The following GMDS variants were observed in gnomAD, a reference collection of about 807,000 sequenced individuals.
GMDS encodes the protein GDP-mannose 4,6 dehydratase.
Under a neutral mutation model 49.9 loss-of-function variants are expected in GMDS, and 20 were observed. That is an observed-to-expected ratio of 0.40 (90% CI 0.28 to 0.58). The LOEUF (loss-of-function observed/expected upper bound fraction) is 0.58, where lower values mean the gene tolerates loss of function less well. Ranked by LOEUF, GMDS falls within the 20% of genes least tolerant of loss-of-function variation. The pLI, the probability that GMDS is intolerant of heterozygous loss-of-function variation, is 0.42. For synonymous variants in GMDS, 177 were observed against 178.6 expected, an observed-to-expected ratio of 0.99 and a Z score of 0.07; for missense variants, 362 against 481.4, an observed-to-expected ratio of 0.75 and a Z score of 2.32.
chr6:2,028,800 T>C (rs1768774094), intron 4 of GMDS, among the ~76,000 whole-genome samples: 1 of 152,186 alleles, frequency 6.6e-6, no homozygotes, highest in African/African-American at 2.4e-5. Flanking sequence ...CACCGTTTTA[T>C]GAAATGATTT....
intron 6 of GMDS, among the ~76,000 whole-genome samples, chr6:1,954,282 C>T (rs1056045039): frequency 1.3e-5 from 2 of 152,214 alleles, no homozygotes; most frequent in Non-Finnish European, 2.9e-5. Context: ...CCGTTAATGA[C>T]CATCTGTGCC....
At position 1,682,852 on chromosome 6, in the gene GMDS, AG is replaced by A. The variant is rs1764831792; in HGVS notation, c.987+43563del. Among the ~76,000 whole-genome samples, 6 of 2,514 alleles carry A rather than the reference AG, an allele frequency of 2.4e-3. 3 individuals are homozygous for A. The highest frequency in any genetic ancestry group is 9.8e-3 in the Non-Finnish European group (6 of 614). The allele number at this position is 2,514 out of a possible 152,430, so 1.6% of individuals were successfully genotyped here. A position where few individuals can be genotyped will look rare whatever the true frequency, so the allele number is the denominator to read the frequency against. On this transcript the variant is annotated intron_variant, in intron 9 of 10. Transcript: ENST00000380815. ...CCAAAGTGCTGGGATTACAGGCGTGAGCCACCGCGCCCGGCCTCATTTTTTT... is the reference window on the plus strand; with the variant it reads ...CCAAAGTGCTGGGATTACAGGCGTGACCACCGCGCCCGGCCTCATTTTTTT...
rs1761916885 is a variant in GMDS, at chr6:1,924,929, G to T, written c.771+5174C>A. On this transcript the variant is annotated intron_variant, in intron 7 of 10. Transcript: ENST00000380815. ...GCCGAAATCGCACCACTGCACTCCAGCCCGGGCGACGGCGAGACTCCGTCT... is the reference window on the plus strand; with the variant it reads ...GCCGAAATCGCACCACTGCACTCCATCCCGGGCGACGGCGAGACTCCGTCT... 2.0e-5 allele frequency among the ~76,000 whole-genome samples: 3 copies of T among 150,050 alleles called. No individual in the cohort carries two copies. The Admixed American group carries it at 2.0e-4, about 10-fold the overall frequency.
chr6:1,677,050 C>G, intron 9 of GMDS, among the ~76,000 whole-genome samples: 1 of 152,202 alleles, frequency 6.6e-6, no homozygotes, highest in Non-Finnish European at 1.5e-5. Context: ...GGCTAATATA[C>G]AGAATCTACA....
In GMDS at chr6:2,234,722, T is replaced by A. The variant is rs570098248; in HGVS notation, c.102+10599A>T. Reference sequence around the variant, plus strand: ...CATATGGTAGACACCAGAGAAACATTCTCAAAAATGATAGGAGTAATCTCT... The same window carrying A: ...CATATGGTAGACACCAGAGAAACATACTCAAAAATGATAGGAGTAATCTCT... On this transcript the variant is annotated intron_variant, in intron 1 of 10. Transcript: ENST00000380815. 3.9e-5 allele frequency among the ~76,000 whole-genome samples: 6 copies of A among 152,304 alleles called. No homozygotes were observed. The East Asian group carries it at 1.2e-3, about 29-fold the overall frequency.
intron 9 of GMDS, among the ~76,000 whole-genome samples, chr6:1,696,891 G>A (rs1765364008): frequency 6.6e-6 from 1 of 152,192 alleles, no homozygotes; most frequent in South Asian, 2.1e-4. Flanking sequence ...CAAGTGTTTG[G>A]CCTGTGGTTC....
chr6:1,674,508 CAGA>C (rs1409743313), intron 9 of GMDS, among the ~76,000 whole-genome samples: 1 of 148,754 alleles, frequency 6.7e-6, no homozygotes, highest in Admixed American at 6.8e-5. Context: ...TTTCATGGAG[CAGA>C]AGTTTTTAAT....
intron 4 of GMDS, among the ~76,000 whole-genome samples, chr6:2,023,612 A>G (rs984962303): frequency 6.6e-6 from 1 of 152,238 alleles, no homozygotes; most frequent in Non-Finnish European, 1.5e-5. Context: ...TGAAATGTTC[A>G]AAGAGGTACA....
At chr6:2,044,598 A>G (rs1769887371) in intron 4 of GMDS, among the ~76,000 whole-genome samples, 1 of 152,206 alleles carries the variant, frequency 6.6e-6, no homozygotes, top group African/African-American at 2.4e-5. Context: ...AGATCAGGAA[A>G]AATAACTCAT....
At chr6:1,738,194 TAC>T (rs140936162) in intron 8 of GMDS, among the ~76,000 whole-genome samples, 101 of 147,924 alleles carry the variant, frequency 6.8e-4, no homozygotes, top group African/African-American at 2.4e-3. Flanking sequence ...TATACACACA[TAC>T]ACACACACAT....
At chr6:1,888,131 A>AT (rs1276994750) in intron 7 of GMDS, among the ~76,000 whole-genome samples, 2 of 100,882 alleles carry the variant, frequency 2.0e-5, no homozygotes, top group Admixed American at 1.2e-4. Context: ...TATTATTATT[A>AT]TTATTTTTTT....
chr6:1,642,068 T>A (rs560437470), intron 9 of GMDS, among the ~76,000 whole-genome samples: 1 of 151,140 alleles, frequency 6.6e-6, no homozygotes, highest in South Asian at 2.1e-4. Context: ...TTTCATCCTG[T>A]CCTCGCTCAC....
chr6:2,093,303 C>A (rs950212288), intron 4 of GMDS, among the ~76,000 whole-genome samples: 1 of 152,096 alleles, frequency 6.6e-6, no homozygotes, highest in Non-Finnish European at 1.5e-5. Context: ...TGAAAAAACA[C>A]AAATAAGTAC....
chr6:2,117,546 A>G lies in GMDS; in HGVS notation c.158T>C (p.Ile53Thr), dbSNP rs935027559. ...ATTAAATGAACTGGACCGCCGTACAATTCCATGGACCTGAGTTTTTACAGT... is the reference window on the plus strand; with the variant it reads ...ATTAAATGAACTGGACCGCCGTACAGTTCCATGGACCTGAGTTTTTACAGT... The part of the protein sequence containing the change: ...LLEKGYEVHG[I>T]VRRSSSFNTG... Residue 53 changes from isoleucine (I) to threonine (T), a missense_variant, in exon 3 of 11, where the codon ATT becomes ACT. Coordinates refer to ENST00000380815, the MANE Select transcript of GMDS (RefSeq NM_001500.4). 7.8e-5 allele frequency: 125 copies of G among 1,596,484 alleles called. No homozygotes were observed. The highest frequency in any genetic ancestry group is 1.0e-4 in the Non-Finnish European group (122 of 1,164,020).
chr6:2,134,875 AAAT>A (rs1250969727), intron 1 of GMDS, among the ~76,000 whole-genome samples: 1 of 152,230 alleles, frequency 6.6e-6, no homozygotes, highest in Non-Finnish European at 1.5e-5. Flanking sequence ...GTTTCTATCA[AAAT>A]AATATCTTAC....
At chr6:1,759,805 T>G (rs145316933) in intron 7 of GMDS, among the ~76,000 whole-genome samples, 1 of 152,310 alleles carries the variant, frequency 6.6e-6, no homozygotes, top group African/African-American at 2.4e-5. Flanking sequence ...TTCCTCCTAA[T>G]AAGACTGTCC....
intron 4 of GMDS, among the ~76,000 whole-genome samples, chr6:2,014,011 C>G (rs144355567): frequency 6.9e-6 from 1 of 144,356 alleles, no homozygotes; most frequent in East Asian, 2.0e-4. Context: ...TTGAAAGAAG[C>G]TTGTCAAAAA....
At chr6:1,849,462 G>T in intron 7 of GMDS, among the ~76,000 whole-genome samples, 1 of 152,094 alleles carries the variant, frequency 6.6e-6, no homozygotes, top group Admixed American at 6.6e-5. Context: ...TCTTAAAGGA[G>T]GTGACAAAGG....
intron 1 of GMDS, among the ~76,000 whole-genome samples, chr6:2,234,895 G>C (rs766991202): frequency 2.6e-5 from 4 of 152,140 alleles, no homozygotes; most frequent in Non-Finnish European, 5.9e-5. Context: ...GGAGGCCAAG[G>C]TGGGCGGATC....
Sources: gnomAD v4.1 joint callset for allele counts (sites outside exome capture counted in the v4.1 genomes callset) on GRCh38, gnomAD v4.1.1 for gene constraint, MANE v1.5 for transcripts, NCBI Gene and HGNC (gene_info 2026-07-23, HGNC 2026-07-21) for gene names.